AP1M1: variants seen among roughly 807,000 people sequenced by gnomAD.
AP1M1 encodes adaptor related protein complex 1 subunit mu 1, also known as AP-1 complex subunit mu-1.
In AP1M1, 18 loss-of-function variants were observed where a neutral mutation model predicts 57.1. The ratio of observed to expected loss-of-function variants is 0.32; its 90% confidence interval spans 0.22 to 0.47. The LOEUF (loss-of-function observed/expected upper bound fraction) is 0.47. Among genes scored for constraint, AP1M1 ranks in the 20% least tolerant of loss-of-function variants. The probability of loss-of-function intolerance (pLI) is 1.00; values close to 1 mark genes in which losing one functional copy is unlikely to be tolerated. For synonymous variants in AP1M1, 241 were observed against 237.9 expected, an observed-to-expected ratio of 1.01 and a Z score of -0.12; for missense variants, 362 against 593.5, an observed-to-expected ratio of 0.61 and a Z score of 4.05.
At chr19:16,200,812 G>A (rs1389161552) in intron 1 of AP1M1, among the ~76,000 whole-genome samples, 2 of 152,198 alleles carry the variant, frequency 1.3e-5, no homozygotes, top group African/African-American at 4.8e-5. Context: ...TGCGCTCTGG[G>A]GGGTTTCCTC....
rs985953356 is a variant in AP1M1, at chr19:16,243,193, T to C, written c.*8758T>C. On this transcript the variant is annotated 3_prime_UTR_variant, in exon 12 of 12. Coordinates refer to ENST00000291439, the MANE Select transcript of AP1M1 (RefSeq NM_032493.4). ...TGAGGAATTTTCAAGAGAAATTAGT[T>C]AGAATTCAACAAGAAATAAATTACT... 1 of 152,196 alleles carries C rather than the reference T, an allele frequency of 6.6e-6. No individual in the cohort carries two copies. Among genetic ancestry groups the C allele is most frequent in the Non-Finnish European group, 1.5e-5 (1 of 68,024 alleles). 9.4% of individuals were successfully genotyped at this position (152,196 alleles called of 1,614,324 possible). A position where few individuals can be genotyped will look rare whatever the true frequency, so the allele number is the denominator to read the frequency against.
At position 16,243,731 on chromosome 19, in the gene AP1M1, CA is replaced by C. The variant is rs1484545392; in HGVS notation, c.*9297del. 1 of 151,986 alleles carries C rather than the reference CA, an allele frequency of 6.6e-6. No individual in the cohort carries two copies. The highest frequency in any genetic ancestry group is 2.4e-5 in the African/African-American group (1 of 41,358). 9.4% of individuals were successfully genotyped at this position (151,986 alleles called of 1,614,324 possible). A position where few individuals can be genotyped will look rare whatever the true frequency, so the allele number is the denominator to read the frequency against. Reference sequence around the variant, plus strand: ...CTGAAGCAGGTGAATCACTTGAGCTCAGGAGTTCGAGACCAGCCTGGCCAAC... The same window carrying C: ...CTGAAGCAGGTGAATCACTTGAGCTCGGAGTTCGAGACCAGCCTGGCCAAC... On this transcript the variant is annotated 3_prime_UTR_variant, in exon 12 of 12. Transcript: ENST00000291439.
chr19:16,220,179 A>G (rs2091537571), intron 5 of AP1M1, among the ~76,000 whole-genome samples: 1 of 152,192 alleles, frequency 6.6e-6, no homozygotes, highest in African/African-American at 2.4e-5. Flanking sequence ...GATTTATTTT[A>G]CAAAATGCTT....
intron 5 of AP1M1, among the ~76,000 whole-genome samples, chr19:16,211,371 G>C (rs1284491528): frequency 6.6e-6 from 1 of 152,154 alleles, no homozygotes; most frequent in African/African-American, 2.4e-5. Flanking sequence ...TGGGATTACA[G>C]GCGTCGGCCA....
At chr19:16,216,363 T>C (rs1035995643) in intron 5 of AP1M1, among the ~76,000 whole-genome samples, 3 of 151,510 alleles carry the variant, frequency 2.0e-5, no homozygotes, top group African/African-American at 7.3e-5. Context: ...GAGAATGGCG[T>C]GAACCCAGGA....
intron 1 of AP1M1, 189 bp downstream of exon 1, chr19:16,198,257 T>G: frequency 2.4e-6 from 1 of 424,122 alleles, no homozygotes; most frequent in Non-Finnish European, 4.1e-6. Context: ...AAGTGGGTAA[T>G]CCCCGCCCTG....
chr19:16,226,678 A>G (rs2145136423), intron 6 of AP1M1, 131 bp downstream of exon 6: 1 of 1,119,104 alleles, frequency 8.9e-7, no homozygotes, highest in East Asian at 2.6e-5. Context: ...AGCACTTCAC[A>G]CTGCTTGAGA....
At position 16,242,300 on chromosome 19, in the gene AP1M1, A is replaced by T. The variant is rs1056749573; in HGVS notation, c.*7865A>T. Reference sequence around the variant, plus strand: ...ACTCCAGGTTGGGTGACAGAGTGACACCCTGCCTCAAAAAAAAAAAATAAA... The same window carrying T: ...ACTCCAGGTTGGGTGACAGAGTGACTCCCTGCCTCAAAAAAAAAAAATAAA... On this transcript the variant is annotated 3_prime_UTR_variant, in exon 12 of 12. Coordinates refer to ENST00000291439, the MANE Select transcript of AP1M1 (RefSeq NM_032493.4). The T allele has an allele frequency of 9.8e-6, 1 of 102,392 alleles. No individual in the cohort carries two copies. Among genetic ancestry groups the T allele is most frequent in the African/African-American group, 3.5e-5 (1 of 28,466 alleles). 6.3% of individuals were successfully genotyped at this position (102,392 alleles called of 1,614,324 possible). A position where few individuals can be genotyped will look rare whatever the true frequency, so the allele number is the denominator to read the frequency against.
intron 5 of AP1M1, among the ~76,000 whole-genome samples, chr19:16,216,521 T>C (rs1268869897): frequency 6.6e-6 from 1 of 152,194 alleles, no homozygotes; most frequent in East Asian, 1.9e-4. Context: ...ATTTGAGTTG[T>C]CAAGAGTCCT....
intron 5 of AP1M1, among the ~76,000 whole-genome samples, chr19:16,215,829 T>G (rs2091517108): frequency 6.6e-6 from 1 of 152,238 alleles, no homozygotes; most frequent in Admixed American, 6.5e-5. Context: ...GCTCTCTTTT[T>G]TAATCCCATA....
In AP1M1 at chr19:16,228,826, C is replaced by T. The variant is rs141184712; in HGVS notation, c.945C>T (p.Pro315=). 1.1e-3 allele frequency: 1,782 copies of T among 1,614,176 alleles called. 5 individuals carry two copies. Among genetic ancestry groups the T allele is most frequent in the Non-Finnish European group, 1.4e-3 (1,654 of 1,180,038 alleles). ...CCAACAACGTGGAGATCCACATTCCCGTGCCCAATGATGCCGACTCACCCA... is the reference window on the plus strand; with the variant it reads ...CCAACAACGTGGAGATCCACATTCCTGTGCCCAATGATGCCGACTCACCCA... ...STANNVEIHI[P]VPNDADSPKF... The change falls in exon 9 of 12, where the codon CCC becomes CCT. Residue 315 remains proline, a synonymous_variant. Transcript: ENST00000291439. The surrounding 1 kb of genome is among the most constrained non-coding windows in gnomAD (Gnocchi z 5.0).
In AP1M1 at chr19:16,227,836, TG is replaced by T; in HGVS notation, c.816+149del. On this transcript the variant is annotated intron_variant, in intron 7 of 11. Coordinates refer to ENST00000291439, the MANE Select transcript of AP1M1 (RefSeq NM_032493.4). The surrounding 1 kb of genome is among the most constrained non-coding windows in gnomAD (Gnocchi z 6.2). ...TCTGCAGAGATGGAGTCTGAGGACT[TG>T]GGACTCCGAGCTTTCTGAGGGGCAC... 8.9e-7 allele frequency: 1 copy of T among 1,125,396 alleles called. No homozygotes were observed. The highest frequency in any genetic ancestry group is 1.3e-6 in the Non-Finnish European group (1 of 784,450). 69.7% of individuals were successfully genotyped at this position (1,125,396 alleles called of 1,614,324 possible). A position where few individuals can be genotyped will look rare whatever the true frequency, so the allele number is the denominator to read the frequency against.
intron 5 of AP1M1, among the ~76,000 whole-genome samples, chr19:16,215,569 C>T (rs1280476082): frequency 1.3e-5 from 2 of 149,080 alleles, no homozygotes; most frequent in African/African-American, 4.9e-5. Context: ...GTCTGATGGG[C>T]TTCCCTTTGT....
Position 16,208,008 on chromosome 19 carries a change from A to G in AP1M1, c.268-11A>G. On this transcript the variant is annotated splice_polypyrimidine_tract_variant and intron_variant, in intron 3 of 11. Transcript: ENST00000291439. ...GCCTCCCATTCCTCCCTCCCTCCCC[A>G]ACCGCCACAGGTGTTTTCCGAGTAC... 6.2e-7 allele frequency: 1 copy of G among 1,606,904 alleles called. No individual in the cohort carries two copies. The highest frequency in any genetic ancestry group is 1.1e-5 in the South Asian group (1 of 90,536).
At chr19:16,230,954 C>T (rs1330512487) in intron 9 of AP1M1, among the ~76,000 whole-genome samples, 2 of 152,014 alleles carry the variant, frequency 1.3e-5, no homozygotes, top group East Asian at 1.9e-4. Flanking sequence ...TCAAATAACA[C>T]ACCCTAAGGA....
intron 4 of AP1M1, 98 bp downstream of exon 4, chr19:16,208,247 G>A: frequency 7.3e-7 from 1 of 1,365,266 alleles, no homozygotes; most frequent in Non-Finnish European, 9.9e-7. Context: ...TTGTGTTCAT[G>A]TTGTCCCCCA....
rs2091578684 is a variant in AP1M1 at position 16,228,004 on chromosome 19, T to A, written c.817-133T>A. ...TGCCCTGGCCCTCCCTGACGCTGGC[T>A]GTACGCTCCCTGCAGGGCTCTGGGC... On this transcript the variant is annotated intron_variant, in intron 7 of 11. Coordinates refer to ENST00000291439, the MANE Select transcript of AP1M1 (RefSeq NM_032493.4). The surrounding 1 kb of genome is among the most constrained non-coding windows in gnomAD (Gnocchi z 5.0). 2.1e-6 allele frequency: 2 copies of A among 969,120 alleles called. No homozygotes were observed. The highest frequency in any genetic ancestry group is 5.2e-5 in the East Asian group (2 of 38,464). The allele number at this position is 969,120 out of a possible 1,614,324, so 60.0% of individuals were successfully genotyped here.
chr19:16,236,854 A>G lies in AP1M1; in HGVS notation c.*2419A>G, dbSNP rs2091626889. ...ATGAGGGCACATCCTGAAAATTACA[A>G]AACACGTGCATGAAAGCAAACTTGA... is the stretch of plus-strand genomic sequence containing the variant. On this transcript the variant is annotated 3_prime_UTR_variant, in exon 12 of 12. Coordinates refer to ENST00000291439, the MANE Select transcript of AP1M1 (RefSeq NM_032493.4). 1.3e-5 allele frequency: 2 copies of G among 152,212 alleles called. No homozygotes were observed. Among genetic ancestry groups the G allele is most frequent in the South Asian group, 2.1e-4 (1 of 4,834 alleles). The allele number at this position is 152,212 out of a possible 1,614,324, so 9.4% of individuals were successfully genotyped here. A position where few individuals can be genotyped will look rare whatever the true frequency, so the allele number is the denominator to read the frequency against.
At chr19:16,226,365 G>A (rs922458808) in intron 5 of AP1M1, 56 bp from the exon 6 acceptor site, 23 of 1,501,336 alleles carry the variant, frequency 1.5e-5, no homozygotes, top group Admixed American at 2.0e-5. Context: ...GATGTGGTAG[G>A]AGGCAGTGGC....
Sources: gnomAD v4.1 joint callset for allele counts (sites outside exome capture counted in the v4.1 genomes callset) on GRCh38, gnomAD v4.1.1 for gene constraint, Gnocchi (gnomAD v3.1) non-coding constraint, MANE v1.5 for transcripts, NCBI Gene and HGNC (gene_info 2026-07-23, HGNC 2026-07-21) for gene names.